Variants in MYH14 observed in about 807,000 individuals in gnomAD.
MYH14 encodes the protein myosin heavy chain 14, also known as myosin-14.
In MYH14, 123 loss-of-function variants were observed where a neutral mutation model predicts 255.5. The observed-to-expected ratio is 0.48, with a 90% CI of 0.42 to 0.56. The LOEUF is 0.56. MYH14 is among the 20% of genes least tolerant of loss of function. The pLI is 0.00. For synonymous variants in MYH14, 1,095 were observed against 1,161.2 expected (o/e 0.94, Z 1.16); for missense variants, 2,423 against 2,802.3 (o/e 0.86, Z 3.06).
chr19:50,249,188 TG>T, intron 13 of MYH14, 49 bp downstream of exon 13: 1 of 1,508,042 alleles, frequency 6.6e-7, no homozygotes, highest in Non-Finnish European at 8.9e-7. Flanking sequence ...ACTCCGGTCC[TG>T]GTCCTTTCTG....
intron 9 of MYH14, among the ~76,000 whole-genome samples, chr19:50,231,434 G>C (rs1003036043): frequency 6.6e-6 from 1 of 152,228 alleles, no homozygotes; most frequent in Non-Finnish European, 1.5e-5. Flanking sequence ...TATACACTGC[G>C]TGGGGACTCA....
At chr19:50,263,528 C>A in intron 22 of MYH14, 108 bp downstream of exon 22, 1 of 663,816 alleles carries the variant, frequency 1.5e-6, no homozygotes, top group Non-Finnish European at 2.4e-6. Context: ...TTCTGCATCA[C>A]TAAAATGGGG....
chr19:50,299,789 A>G (rs1459285237), intron 39 of MYH14, among the ~76,000 whole-genome samples: 1 of 151,762 alleles, frequency 6.6e-6, no homozygotes, highest in Non-Finnish European at 1.5e-5. Flanking sequence ...TACTAAAAAT[A>G]CAAAAATTAG....
intron 39 of MYH14, among the ~76,000 whole-genome samples, chr19:50,297,489 CTCT>C (rs2036311369): frequency 1.8e-5 from 1 of 54,996 alleles, no homozygotes; most frequent in African/African-American, 4.1e-5. Flanking sequence ...GTCTCATCTC[CTCT>C]TTTTTTTTTT....
At chr19:50,278,822 A>G (rs2035606787) in intron 30 of MYH14, among the ~76,000 whole-genome samples, 1 of 151,826 alleles carries the variant, frequency 6.6e-6, no homozygotes, top group South Asian at 2.1e-4. Context: ...TAAAAAAAAA[A>G]AAAAAAAAAC....
At chr19:50,205,792 C>T (rs2031710152) in intron 1 of MYH14, among the ~76,000 whole-genome samples, 1 of 152,146 alleles carries the variant, frequency 6.6e-6, no homozygotes, top group Non-Finnish European at 1.5e-5. Context: ...AGCCCGGATT[C>T]TGGGGTCTGT....
At chr19:50,224,297 C>G in intron 6 of MYH14, 120 bp downstream of exon 6, 1 of 1,315,776 alleles carries the variant, frequency 7.6e-7, no homozygotes, top group Non-Finnish European at 1.1e-6. Flanking sequence ...CCAGGGACCC[C>G]TCTGCCCCAC....
At chr19:50,213,710 A>G (rs2032322021) in intron 2 of MYH14, among the ~76,000 whole-genome samples, 1 of 152,242 alleles carries the variant, frequency 6.6e-6, no homozygotes, top group African/African-American at 2.4e-5. Context: ...GTTGTGAGGT[A>G]GGGATTATCA....
chr19:50,292,243 C>T lies in MYH14; in HGVS notation c.5128-18C>T. 6.3e-7 allele frequency: 1 copy of T among 1,595,668 alleles called. No individual in the cohort carries two copies. Among genetic ancestry groups the T allele is most frequent in the East Asian group, 2.3e-5 (1 of 44,160 alleles). On this transcript the variant is annotated intron_variant, in intron 36 of 42. Coordinates refer to ENST00000642316, the MANE Select transcript of MYH14 (RefSeq NM_001145809.2). ...GTGTGGCCAGGCTGAGCCCATCTAC[C>T]TATTCCGTTCCACCCAGGCCCAGAT... is the stretch of plus-strand genomic sequence containing the variant.
chr19:50,303,047 G>C (rs763343380), intron 40 of MYH14, among the ~76,000 whole-genome samples: 1 of 152,140 alleles, frequency 6.6e-6, no homozygotes, highest in South Asian at 2.1e-4. Context: ...TATTATTTAC[G>C]TAATAACGTG....
intron 40 of MYH14, among the ~76,000 whole-genome samples, chr19:50,305,184 G>A (rs1329271868): frequency 1.3e-5 from 2 of 152,028 alleles, no homozygotes; most frequent in East Asian, 3.9e-4. Context: ...GAATGGATCA[G>A]AGGAGGGAGA....
rs118097099 is a variant in MYH14, at chr19:50,289,431, A to G, written c.4753-5A>G. 3.5e-4 allele frequency: 558 copies of G among 1,603,270 alleles called. 2 individuals are homozygous for G. In the East Asian group the frequency reaches 0.011, roughly 33 times the overall value. On this transcript the variant is annotated splice_region_variant and splice_polypyrimidine_tract_variant and intron_variant, in intron 34 of 42. Transcript: ENST00000642316. ...CAGGTACCCAGCAGCTACTCTCCCC[A>G]CCAGGTGCATGAGCTGGAACGAGCC... is the stretch of plus-strand genomic sequence containing the variant.
intron 39 of MYH14, among the ~76,000 whole-genome samples, chr19:50,294,434 A>AT (rs35542007): frequency 0.016 from 2,111 of 134,524 alleles, 54 homozygotes; most frequent in African/African-American, 0.053. Context: ...TTTTTTTCTA[A>AT]TTTTTTTTTT....
chr19:50,225,768 C>T (rs2123213047), intron 7 of MYH14, 91 bp downstream of exon 7: 1 of 822,126 alleles, frequency 1.2e-6, no homozygotes, highest in South Asian at 1.4e-5. Flanking sequence ...ACACGTGGAT[C>T]TGTTGAGGGA....
intron 2 of MYH14, 143 bp from the exon 3 acceptor site, chr19:50,217,472 A>G: frequency 4.1e-6 from 4 of 978,592 alleles, no homozygotes; most frequent in Non-Finnish European, 6.5e-6. Context: ...CATAACAAAC[A>G]TTCAAATCTA....
Position 50,257,427 on chromosome 19 carries a change from A to G in MYH14, c.2173A>G (p.Thr725Ala). 2.5e-6 allele frequency: 4 copies of G among 1,608,010 alleles called. No individual in the cohort carries two copies. Among genetic ancestry groups the G allele is most frequent in the Non-Finnish European group, 3.4e-6 (4 of 1,177,130 alleles). The change falls in exon 18 of 43, where the codon ACA becomes GCA. Residue 725 changes from threonine (T) to alanine (A), a missense_variant. Physicochemically the swap from Thr to Ala is moderately conservative, Grantham distance 58. Around this residue, in one of 3 missense-constraint regions of MYH14, gnomAD observed 672 missense variants for 881.8 expected, o/e 0.76. Coordinates refer to ENST00000642316, the MANE Select transcript of MYH14 (RefSeq NM_001145809.2). ...GGAGTCCCTGAGCCGCCTCATGGCC[A>G]CACTCAGCAACACCAACCCCAGTTT... ...YKESLSRLMATLSNTNPSFVR... is the reference protein window; with the variant it reads ...YKESLSRLMAALSNTNPSFVR...
intron 39 of MYH14, among the ~76,000 whole-genome samples, chr19:50,298,181 G>C (rs1568553263): frequency 6.6e-6 from 1 of 152,166 alleles, no homozygotes; most frequent in African/African-American, 2.4e-5. Context: ...AGCGAGGCCT[G>C]TCTGTTCAGA....
At chr19:50,226,807 C>T in intron 7 of MYH14, 96 bp from the exon 8 acceptor site, 1 of 1,177,306 alleles carries the variant, frequency 8.5e-7, no homozygotes, top group Non-Finnish European at 1.3e-6. Flanking sequence ...GCAGCCGCAG[C>T]TCTGGGAGCA....
At chr19:50,283,647 T>C (rs573373788) in intron 33 of MYH14, among the ~76,000 whole-genome samples, 2 of 152,366 alleles carry the variant, frequency 1.3e-5, no homozygotes, top group East Asian at 3.9e-4. Context: ...ATTTCCCTAA[T>C]GACCAGTGAC....
Sources: allele counts gnomAD v4.1 joint callset (sites outside exome capture counted in the v4.1 genomes callset), GRCh38; gene constraint gnomAD v4.1.1; regional missense constraint gnomAD v4.1.1; transcripts MANE v1.5; gene names NCBI Gene and HGNC (gene_info 2026-07-23, HGNC 2026-07-21).